The following CA10 variants were observed in gnomAD, a reference collection of about 807,000 sequenced individuals.
CA10 encodes carbonic anhydrase 10 (inactive), also known as carbonic anhydrase-related protein 10.
CA10 carries 14 observed loss-of-function variants against 44.2 expected under a neutral mutation model. That is an observed-to-expected ratio of 0.32 (90% CI 0.21 to 0.50). CA10 has a LOEUF of 0.50. Ranked by LOEUF, CA10 falls within the 20% of genes least tolerant of loss-of-function variation. The pLI is 0.99. For synonymous variants in CA10, 159 were observed against 141.6 expected, an observed-to-expected ratio of 1.12 and a Z score of -0.87; for missense variants, 350 against 409.7, an observed-to-expected ratio of 0.85 and a Z score of 1.26.
rs550751562 is a variant in CA10 at position 51,833,916 on chromosome 17, A to G, written c.280-86098T>C. Among the ~76,000 whole-genome samples the G allele has an allele frequency of 1.1e-4, 16 of 152,330 alleles. No individual in the cohort carries two copies. The South Asian group carries it at 2.5e-3, about 24-fold the overall frequency. On this transcript the variant is annotated intron_variant, in intron 3 of 8. Coordinates refer to ENST00000451037, the MANE Select transcript of CA10 (RefSeq NM_020178.5). ...TGCTGAAAATATGGTTTATAATTTA[A>G]TTTCCACTGCCAAGTACGGAGAAGC... is the stretch of plus-strand genomic sequence containing the variant.
chr17:52,157,163 G>A (rs1361613575), intron 1 of CA10, among the ~76,000 whole-genome samples: 1 of 151,874 alleles, frequency 6.6e-6, no homozygotes, highest in Non-Finnish European at 1.5e-5. Flanking sequence ...AAGAAAATTG[G>A]GGGGGTAGAG....
At chr17:51,722,327 G>A (rs911523864) in intron 4 of CA10, among the ~76,000 whole-genome samples, 14 of 151,914 alleles carry the variant, frequency 9.2e-5, no homozygotes, top group African/African-American at 3.1e-4. Context: ...CAATGATCTG[G>A]CCTAATTCCA....
intron 3 of CA10, among the ~76,000 whole-genome samples, chr17:51,872,457 C>T (rs1979862674): frequency 6.6e-6 from 1 of 152,196 alleles, no homozygotes; most frequent in South Asian, 2.1e-4. Flanking sequence ...CCCCATCCCA[C>T]CAGATTTATG....
At chr17:51,648,953 GTCATAA>G (rs1237349198) in intron 6 of CA10, among the ~76,000 whole-genome samples, 3 of 151,134 alleles carry the variant, frequency 2.0e-5, no homozygotes, top group Admixed American at 1.4e-4. Flanking sequence ...GACCACCATA[GTCATAA>G]TCATTATCAC....
intron 1 of CA10, among the ~76,000 whole-genome samples, chr17:52,075,828 C>T (rs1049604511): frequency 3.9e-5 from 6 of 152,098 alleles, no homozygotes; most frequent in Non-Finnish European, 5.9e-5. Flanking sequence ...TAGAGGATAG[C>T]GCTTTGTCTA....
intron 2 of CA10, among the ~76,000 whole-genome samples, chr17:51,951,145 C>T (rs1983466403): frequency 1.3e-5 from 2 of 152,172 alleles, no homozygotes; most frequent in African/African-American, 4.8e-5. Context: ...TGTAATGTAG[C>T]AGGAAACTCT....
intron 2 of CA10, among the ~76,000 whole-genome samples, chr17:51,994,862 A>C (rs1190988075): frequency 4.6e-5 from 7 of 152,108 alleles, no homozygotes; most frequent in African/African-American, 1.7e-4. Flanking sequence ...CATTATATCC[A>C]TATCCATGGT....
chr17:52,057,859 C>T (rs915009344), intron 2 of CA10, among the ~76,000 whole-genome samples: 11 of 152,090 alleles, frequency 7.2e-5, no homozygotes, highest in Non-Finnish European at 1.5e-4. Context: ...TGGAACACTC[C>T]CTATGTTCCT....
At chr17:52,134,667 CTT>C (rs1391825716) in intron 1 of CA10, among the ~76,000 whole-genome samples, 1 of 152,154 alleles carries the variant, frequency 6.6e-6, no homozygotes, top group Non-Finnish European at 1.5e-5. Flanking sequence ...ATCATCTTCT[CTT>C]TCTTAGGTTA....
intron 3 of CA10, among the ~76,000 whole-genome samples, chr17:51,836,291 A>C (rs919148253): frequency 3.3e-5 from 5 of 152,208 alleles, no homozygotes; most frequent in Non-Finnish European, 5.9e-5. Context: ...ACACACTCTT[A>C]AGAAAAACTG....
At chr17:51,751,197 G>A (rs748396379) in intron 3 of CA10, among the ~76,000 whole-genome samples, 10 of 152,156 alleles carry the variant, frequency 6.6e-5, no homozygotes, top group Non-Finnish European at 1.2e-4. Flanking sequence ...GATTCCACTT[G>A]TATGCTATAT....
chr17:51,673,898 C>T (rs1310419180), intron 4 of CA10, among the ~76,000 whole-genome samples: 1 of 152,218 alleles, frequency 6.6e-6, no homozygotes, highest in African/African-American at 2.4e-5. Context: ...CCATGCCAAG[C>T]CACTGCATGG....
intron 3 of CA10, among the ~76,000 whole-genome samples, chr17:51,846,465 T>G (rs1366889703): frequency 6.6e-6 from 1 of 152,220 alleles, no homozygotes; most frequent in Non-Finnish European, 1.5e-5. Flanking sequence ...ATGATCTAAG[T>G]GCTTTACAGG....
chr17:51,645,407 G>C (rs1377046902), intron 6 of CA10, among the ~76,000 whole-genome samples: 5 of 152,198 alleles, frequency 3.3e-5, no homozygotes, highest in Non-Finnish European at 1.5e-5. Flanking sequence ...ATATATGTCA[G>C]TAATGGCAAT....
intron 3 of CA10, among the ~76,000 whole-genome samples, chr17:51,848,649 C>A (rs1019296903): frequency 1.1e-4 from 17 of 152,212 alleles, no homozygotes; most frequent in African/African-American, 4.1e-4. Flanking sequence ...GAGCCTGGGA[C>A]AACTGGAGTC....
chr17:51,861,716 C>T (rs1224315785), intron 3 of CA10, among the ~76,000 whole-genome samples: 1 of 152,122 alleles, frequency 6.6e-6, no homozygotes, highest in East Asian at 1.9e-4. Context: ...ATTAATCTGG[C>T]TTTGCTTTGT....
At chr17:52,134,846 A>C (rs747100080) in intron 1 of CA10, 30 of 518,748 alleles carry the variant, frequency 5.8e-5, no homozygotes, top group South Asian at 4.1e-4. Flanking sequence ...CACCCCATGC[A>C]TGAGCCAGAA....
At chr17:52,148,345 T>G (rs1989632914) in intron 1 of CA10, among the ~76,000 whole-genome samples, 1 of 152,212 alleles carries the variant, frequency 6.6e-6, no homozygotes, top group Non-Finnish European at 1.5e-5. Flanking sequence ...AGAATGACAA[T>G]GTATCCACTG....
chr17:51,794,286 G>T (rs1906629400), intron 3 of CA10, among the ~76,000 whole-genome samples: 1 of 152,226 alleles, frequency 6.6e-6, no homozygotes, highest in African/African-American at 2.4e-5. Flanking sequence ...ATAGACAGGG[G>T]TGTAAGAACT....
Sources: gnomAD v4.1 joint callset for allele counts (sites outside exome capture counted in the v4.1 genomes callset) on GRCh38, gnomAD v4.1.1 for gene constraint, MANE v1.5 for transcripts, NCBI Gene and HGNC (gene_info 2026-07-23, HGNC 2026-07-21) for gene names.